Variants in RASSF2 observed in about 807,000 individuals in gnomAD.
RASSF2 encodes ras association domain-containing protein 2.
A neutral mutation model predicts 46.3 loss-of-function variants in RASSF2; 34 were observed. The observed-to-expected ratio is 0.73, with a 90% confidence interval of 0.56 to 0.98. RASSF2 has a LOEUF of 0.98. Ranked by LOEUF, RASSF2 falls within the 50% of genes least tolerant of loss-of-function variation. The pLI is 0.00. For synonymous variants in RASSF2, 158 were observed against 162.5 expected, an observed-to-expected ratio of 0.97 and a Z score of 0.21; for missense variants, 364 against 431.2, an observed-to-expected ratio of 0.84 and a Z score of 1.38.
At position 4,812,427 on chromosome 20, in the gene RASSF2, G is replaced by C. The variant is rs75585470; in HGVS notation, c.-33+9902C>G. Among the ~76,000 whole-genome samples, 3,060 of 152,320 alleles carry C rather than the reference G, an allele frequency of 0.02. 88 individuals carry two copies. The highest frequency in any genetic ancestry group is 0.069 in the African/African-American group (2,882 of 41,556). On this transcript the variant is annotated intron_variant, in intron 2 of 11. Transcript: ENST00000379400. The surrounding 1 kb of genome is among the most constrained non-coding windows in gnomAD (Gnocchi z 4.0). ...GAGGCTCAAATCCAGGGCGGTGCAGGTGCCAAGCGGAACCCCTGTAGACTA... is the reference window on the plus strand; with the variant it reads ...GAGGCTCAAATCCAGGGCGGTGCAGCTGCCAAGCGGAACCCCTGTAGACTA...
chr20:4,811,819 TG>T (rs1601131183), intron 2 of RASSF2, among the ~76,000 whole-genome samples: 1 of 152,150 alleles, frequency 6.6e-6, no homozygotes, highest in South Asian at 2.1e-4. Flanking sequence ...CTTCCTCTTT[TG>T]GGGCCTGTGC....
rs1236655883 is a variant in RASSF2 at position 4,783,484 on chromosome 20, T to C, written c.*789A>G. On this transcript the variant is annotated 3_prime_UTR_variant, in exon 12 of 12. Coordinates refer to ENST00000379400, the MANE Select transcript of RASSF2 (RefSeq NM_014737.3). ...ACAGAGAAACACACAGGATCTTCTC[T>C]GTCTCCTAAAGGTAGCCATGGAGGC... is the stretch of plus-strand genomic sequence containing the variant. 1 of 152,688 alleles carries C rather than the reference T, an allele frequency of 6.5e-6. No homozygotes were observed. Among genetic ancestry groups the C allele is most frequent in the Non-Finnish European group, 1.5e-5 (1 of 68,056 alleles). 9.5% of individuals were successfully genotyped at this position (152,688 alleles called of 1,614,324 possible). A position where few individuals can be genotyped will look rare whatever the true frequency, so the allele number is the denominator to read the frequency against.
chr20:4,785,504 T>G (rs940793310), intron 11 of RASSF2, among the ~76,000 whole-genome samples: 7 of 152,184 alleles, frequency 4.6e-5, no homozygotes, highest in Non-Finnish European at 1.5e-5. Flanking sequence ...TGAAAGGCAG[T>G]CTCTTCTATG....
At position 4,814,849 on chromosome 20, in the gene RASSF2, A is replaced by T. The variant is rs1258679509; in HGVS notation, c.-33+7480T>A. Among the ~76,000 whole-genome samples the T allele has an allele frequency of 2.0e-5, 3 of 152,176 alleles. No individual in the cohort carries two copies. The East Asian group carries it at 5.8e-4, about 29-fold the overall frequency. The stretch of plus-strand genomic sequence containing the variant: ...GGAAGTTTGCCACAGTAGCACATTC[A>T]CAACCTCCTCTGTCTGCCCTGGGCA... On this transcript the variant is annotated intron_variant, in intron 2 of 11. Transcript: ENST00000379400.
At chr20:4,814,776 A>C (rs1928155963) in intron 2 of RASSF2, among the ~76,000 whole-genome samples, 2 of 152,186 alleles carry the variant, frequency 1.3e-5, no homozygotes. Flanking sequence ...GACCCCTCCT[A>C]GTGCCAGGAG....
chr20:4,789,088 A>G (rs183538840), intron 8 of RASSF2, among the ~76,000 whole-genome samples: 27 of 152,342 alleles, frequency 1.8e-4, no homozygotes, highest in African/African-American at 6.3e-4. Flanking sequence ...CTGGTCTCCA[A>G]GAGATTGTGG....
intron 2 of RASSF2, among the ~76,000 whole-genome samples, chr20:4,809,682 A>G (rs1927618440): frequency 6.6e-6 from 1 of 152,216 alleles, no homozygotes; most frequent in Admixed American, 6.5e-5. Flanking sequence ...GGGGATTCCT[A>G]GAAGCAGAGC....
chr20:4,815,661 C>G (rs1012772743), intron 2 of RASSF2, among the ~76,000 whole-genome samples: 1 of 152,222 alleles, frequency 6.6e-6, no homozygotes, highest in Non-Finnish European at 1.5e-5. Context: ...GCACCTGCTC[C>G]CTCAAAGTCA....
chr20:4,809,406 A>G (rs1927592499), intron 2 of RASSF2, among the ~76,000 whole-genome samples: 1 of 151,884 alleles, frequency 6.6e-6, no homozygotes, highest in South Asian at 2.1e-4. Flanking sequence ...CCTCATCAAA[A>G]CTTACCTCCC....
chr20:4,787,234 T>C (rs1925436002), intron 10 of RASSF2, among the ~76,000 whole-genome samples: 1 of 152,092 alleles, frequency 6.6e-6, no homozygotes. Flanking sequence ...CAAATCTGAG[T>C]GGAGGCTTCA....
At chr20:4,810,604 G>A (rs1458189235) in intron 2 of RASSF2, among the ~76,000 whole-genome samples, 1 of 152,190 alleles carries the variant, frequency 6.6e-6, no homozygotes, top group Non-Finnish European at 1.5e-5. Flanking sequence ...TTTATGAATT[G>A]GGAAGTCCTC....
chr20:4,800,879 T>TG (rs34818460), intron 3 of RASSF2, 93 bp downstream of exon 3: 3 of 1,049,614 alleles, frequency 2.9e-6, no homozygotes, highest in Non-Finnish European at 3.0e-6. Flanking sequence ...TGATATACAG[T>TG]GGGGGGCCCT....
intron 4 of RASSF2, among the ~76,000 whole-genome samples, chr20:4,796,762 T>C (rs1926389034): frequency 6.6e-6 from 1 of 152,262 alleles, no homozygotes; most frequent in East Asian, 1.9e-4. Context: ...CTTTTAATCA[T>C]TTATTCTATA....
At position 4,784,304 on chromosome 20, in the gene RASSF2, T is replaced by A; in HGVS notation, c.950A>T (p.Glu317Val). 6.2e-7 allele frequency: 1 copy of A among 1,612,968 alleles called. No homozygotes were observed. Among genetic ancestry groups the A allele is most frequent in the East Asian group, 2.2e-5 (1 of 44,846 alleles). Residue 317 changes from glutamate (E) to valine (V), a missense_variant, in exon 12 of 12, where the codon GAG (glutamate) becomes GTG (valine). Coordinates refer to ENST00000379400, the MANE Select transcript of RASSF2 (RefSeq NM_014737.3). The stretch of plus-strand genomic sequence containing the variant: ...TGTTGCTGGGGTCTCGGCTATCTCC[T>A]CCAGCCTCTGTCGAATCATTAGCCG... ...VLRLMIRQRL[E>V]EIAETPATI
intron 2 of RASSF2, among the ~76,000 whole-genome samples, chr20:4,811,700 G>A (rs1367728223): frequency 6.6e-6 from 1 of 152,200 alleles, no homozygotes; most frequent in Non-Finnish European, 1.5e-5. Flanking sequence ...GCACTGAGCT[G>A]ACGCAAAGGG....
At chr20:4,806,832 C>G (rs528378198) in intron 2 of RASSF2, among the ~76,000 whole-genome samples, 2 of 152,314 alleles carry the variant, frequency 1.3e-5, no homozygotes, top group East Asian at 3.9e-4. Context: ...TTATTTTTCT[C>G]AGAATTCTCC....
intron 2 of RASSF2, among the ~76,000 whole-genome samples, chr20:4,804,608 C>T (rs112581888): frequency 2.6e-5 from 4 of 152,232 alleles, no homozygotes; most frequent in East Asian, 1.9e-4. Context: ...CAGAGTGCTG[C>T]GTTTATGGCC....
intron 2 of RASSF2, among the ~76,000 whole-genome samples, chr20:4,813,755 G>A (rs965827688): frequency 3.3e-5 from 5 of 150,630 alleles, no homozygotes; most frequent in Non-Finnish European, 7.4e-5. Flanking sequence ...ATAGCTCCCG[G>A]TGTGTGAGTG....
At position 4,795,696 on chromosome 20, in the gene RASSF2, T is replaced by G; in HGVS notation, c.287+119A>C. On this transcript the variant is annotated intron_variant, in intron 5 of 11. Transcript: ENST00000379400. This position sits in a 1 kb window ranked among gnomAD's most constrained non-coding sequence, Gnocchi z 4.0. ...GGCTAAGGCAGGTGGGCAGTAGAGG[T>G]AGTAGGAGGAGGAGCCAGGGTCAGG... is the stretch of plus-strand genomic sequence containing the variant. 2.4e-6 allele frequency: 3 copies of G among 1,244,804 alleles called. No homozygotes were observed. The highest frequency in any genetic ancestry group is 1.5e-5 in the South Asian group (1 of 67,538). 77.1% of individuals were successfully genotyped at this position (1,244,804 alleles called of 1,614,324 possible). A position where few individuals can be genotyped will look rare whatever the true frequency, so the allele number is the denominator to read the frequency against.
Sources: allele counts gnomAD v4.1 joint callset (sites outside exome capture counted in the v4.1 genomes callset), GRCh38; gene constraint gnomAD v4.1.1; non-coding constraint Gnocchi (gnomAD v3.1); transcripts MANE v1.5; gene names NCBI Gene and HGNC (gene_info 2026-07-23, HGNC 2026-07-21).